TMEM131L: variants seen among roughly 807,000 people sequenced by gnomAD.
TMEM131L encodes the protein transmembrane protein 131-like.
TMEM131L carries 54 observed loss-of-function variants against 192.2 expected under a neutral mutation model. The ratio of observed to expected loss-of-function variants is 0.28; its 90% CI spans 0.23 to 0.35. The LOEUF (loss-of-function observed/expected upper bound fraction) is 0.35, where lower values mean the gene tolerates loss of function less well. TMEM131L is among the 10% of genes least tolerant of loss of function. The pLI, the probability that TMEM131L is intolerant of heterozygous loss-of-function variation, is 1.00. For synonymous variants in TMEM131L, 701 were observed against 704.9 expected (o/e 0.99, Z 0.09); for missense variants, 1,888 against 1,972.9 (o/e 0.96, Z 0.82).
chr4:153,564,287 C>CAAAAAAAAAAAAAAAA (rs1178320668), intron 7 of TMEM131L, among the ~76,000 whole-genome samples: 8 of 17,652 alleles, frequency 4.5e-4, no homozygotes, highest in African/African-American at 1.1e-3. Context: ...AACTCCGTCT[C>CAAAAAAAAAAAAAAAA]AAAAAAAAAA....
chr4:153,585,842 T>C (rs1428152212), intron 13 of TMEM131L, among the ~76,000 whole-genome samples: 2 of 152,140 alleles, frequency 1.3e-5, no homozygotes, highest in Non-Finnish European at 2.9e-5. Context: ...TTAAAAGAGC[T>C]CAAAGGGACC....
At chr4:153,588,093 G>A (rs192361450) in intron 15 of TMEM131L, among the ~76,000 whole-genome samples, 13 of 148,104 alleles carry the variant, frequency 8.8e-5, no homozygotes, top group African/African-American at 2.5e-4. Flanking sequence ...AGCACCCATA[G>A]GAAAAATTGG....
intron 5 of TMEM131L, 51 bp from the exon 6 acceptor site, chr4:153,556,915 G>A (rs1479096205): frequency 8.4e-6 from 7 of 833,374 alleles, no homozygotes; most frequent in Non-Finnish European, 1.4e-5. Context: ...GTGAAAGACA[G>A]TTTATCAAAG....
chr4:153,556,379 C>A (rs1728452046), intron 5 of TMEM131L, among the ~76,000 whole-genome samples: 1 of 152,140 alleles, frequency 6.6e-6, no homozygotes, highest in Non-Finnish European at 1.5e-5. Flanking sequence ...AGCTGATTGG[C>A]ACCATAACAC....
At chr4:153,516,770 A>G (rs1734761952) in intron 3 of TMEM131L, among the ~76,000 whole-genome samples, 2 of 152,130 alleles carry the variant, frequency 1.3e-5, no homozygotes, top group Admixed American at 1.3e-4. Flanking sequence ...GTTTCTTACG[A>G]GCCTCCCAGC....
chr4:153,574,771 A>C (rs1424313603), intron 7 of TMEM131L, among the ~76,000 whole-genome samples: 2 of 152,144 alleles, frequency 1.3e-5, no homozygotes, highest in African/African-American at 4.8e-5. Flanking sequence ...TATTTTTACT[A>C]GAGACAGGGT....
intron 25 of TMEM131L, among the ~76,000 whole-genome samples, chr4:153,608,384 A>G (rs1031733291): frequency 6.6e-6 from 1 of 152,166 alleles, no homozygotes; most frequent in Non-Finnish European, 1.5e-5. Context: ...GTGGGGCTTT[A>G]TGTGTAATGT....
At chr4:153,633,194 C>T (rs541078332) in intron 32 of TMEM131L, 14 of 185,994 alleles carry the variant, frequency 7.5e-5, no homozygotes, top group Admixed American at 1.1e-4. Flanking sequence ...TTCTTGAACA[C>T]GTTTAACGTT....
chr4:153,635,242 TTG>T (rs1029551090), intron 33 of TMEM131L, among the ~76,000 whole-genome samples, 188 bp from the exon 34 acceptor site: 1 of 152,082 alleles, frequency 6.6e-6, no homozygotes, highest in East Asian at 1.9e-4. Flanking sequence ...GCTTCCCAGG[TTG>T]TGTGTCTGAT....
At chr4:153,633,214 CGTTT>C (rs10606999) in intron 32 of TMEM131L, 41,618 of 168,732 alleles carry the variant, frequency 0.25, 5,428 homozygotes, top group African/African-American at 0.31. Flanking sequence ...TGTATTTATT[CGTTT>C]GTTTATTTAT....
At chr4:153,540,792 A>G (rs1736717613) in intron 3 of TMEM131L, among the ~76,000 whole-genome samples, 1 of 152,216 alleles carries the variant, frequency 6.6e-6, no homozygotes, top group African/African-American at 2.4e-5. Flanking sequence ...TTGGTTTTCT[A>G]AAAATAACAT....
intron 13 of TMEM131L, 22 bp downstream of exon 13, chr4:153,585,633 C>G (rs1237279836): frequency 6.5e-7 from 1 of 1,547,734 alleles, no homozygotes; most frequent in Admixed American, 1.8e-5. Flanking sequence ...ATTTTTTCCC[C>G]AAGTTTTAGC....
intron 7 of TMEM131L, among the ~76,000 whole-genome samples, chr4:153,561,556 A>G (rs531234323): frequency 6.6e-6 from 1 of 152,300 alleles, no homozygotes; most frequent in Admixed American, 6.5e-5. Flanking sequence ...TGAGGAAGGG[A>G]TTCATTTTCA....
chr4:153,533,679 T>C (rs1354934961), intron 3 of TMEM131L, among the ~76,000 whole-genome samples: 1 of 152,210 alleles, frequency 6.6e-6, no homozygotes, highest in East Asian at 1.9e-4. Flanking sequence ...ACAGTCCTGT[T>C]TGAGCATGAT....
rs776138833 is a variant in TMEM131L, at chr4:153,604,126, C to T, written c.3114C>T (p.Gly1038=). ...GGATCAGCCTCAGATATGCAAGTGG[C>T]ATAAATGTCAACCTGCAGAAGAATT... ...ENWISLRYAS[G]INVNLQKNLT... The change falls in exon 25 of 35, where the codon GGC becomes GGT. Residue 1038 remains glycine, a synonymous_variant. Coordinates refer to ENST00000409959, the MANE Select transcript of TMEM131L (RefSeq NM_001131007.2). 1.2e-6 allele frequency: 2 copies of T among 1,614,116 alleles called. No homozygotes were observed. Among genetic ancestry groups the T allele is most frequent in the Non-Finnish European group, 1.7e-6 (2 of 1,180,012 alleles).
chr4:153,613,622 T>TA (rs1205403159), intron 26 of TMEM131L, among the ~76,000 whole-genome samples: 2 of 152,212 alleles, frequency 1.3e-5, no homozygotes, highest in Non-Finnish European at 2.9e-5. Flanking sequence ...TTTCTTATGT[T>TA]AAATTTATAT....
intron 9 of TMEM131L, 46 bp downstream of exon 9, chr4:153,581,606 C>T: frequency 1.5e-6 from 2 of 1,291,134 alleles, no homozygotes; most frequent in Non-Finnish European, 1.1e-6. Flanking sequence ...CATCAGTCTG[C>T]ATCATCATTC....
chr4:153,634,604 G>T (rs1179886509), intron 33 of TMEM131L, among the ~76,000 whole-genome samples: 3 of 152,186 alleles, frequency 2.0e-5, no homozygotes, highest in Non-Finnish European at 4.4e-5. Context: ...GGAAGCCGGG[G>T]CTTTAGCTGC....
chr4:153,596,237 G>A (rs1449185478), intron 19 of TMEM131L, 21 bp from the exon 20 acceptor site: 2 of 1,612,630 alleles, frequency 1.2e-6, no homozygotes, highest in Admixed American at 1.7e-5. Context: ...GTATGACATG[G>A]TTTAATTTGT....
Sources: allele counts gnomAD v4.1 joint callset (sites outside exome capture counted in the v4.1 genomes callset), GRCh38; gene constraint gnomAD v4.1.1; transcripts MANE v1.5; gene names NCBI Gene and HGNC (gene_info 2026-07-23, HGNC 2026-07-21).